Variants in CHCHD3 observed in about 807,000 individuals in gnomAD.
The protein encoded by CHCHD3 is coiled-coil-helix-coiled-coil-helix domain containing 3.
A neutral mutation model predicts 38.2 loss-of-function variants in CHCHD3; 20 were observed. That is an observed-to-expected ratio of 0.52 (90% CI 0.37 to 0.76). The LOEUF (loss-of-function observed/expected upper bound fraction) is 0.76. CHCHD3 is among the 30% of genes least tolerant of loss of function. The pLI, the probability that CHCHD3 is intolerant of heterozygous loss-of-function variation, is 0.00. For synonymous variants in CHCHD3, 82 were observed against 100.0 expected, an observed-to-expected ratio of 0.82 and a Z score of 1.07; for missense variants, 245 against 279.2, an observed-to-expected ratio of 0.88 and a Z score of 0.87.
chr7:133,009,832 TGA>T (rs1327942926), intron 3 of CHCHD3, among the ~76,000 whole-genome samples: 1 of 152,180 alleles, frequency 6.6e-6, no homozygotes, highest in Non-Finnish European at 1.5e-5. Flanking sequence ...TTTCAAATTT[TGA>T]TTATGTTGTT....
intron 3 of CHCHD3, among the ~76,000 whole-genome samples, chr7:132,995,443 T>C (rs1370862711): frequency 6.6e-6 from 1 of 152,238 alleles, no homozygotes; most frequent in East Asian, 1.9e-4. Flanking sequence ...TATTGTTAGC[T>C]GTAGGCACTA....
intron 2 of CHCHD3, among the ~76,000 whole-genome samples, chr7:133,050,741 G>A (rs1184320430): frequency 6.6e-6 from 1 of 152,184 alleles, no homozygotes; most frequent in Non-Finnish European, 1.5e-5. Context: ...GCCAGGCGCA[G>A]TGGCTCATGA....
intron 5 of CHCHD3, among the ~76,000 whole-genome samples, chr7:132,873,437 C>T (rs1244962421): frequency 7.2e-5 from 10 of 139,226 alleles, no homozygotes; most frequent in Non-Finnish European, 1.1e-4. Context: ...TTTTTTGAGA[C>T]GGGTCTCGCT....
rs1806296687 is a variant in CHCHD3, at chr7:132,785,652, A to T, written c.669T>A (p.Leu223=). The change falls in exon 8 of 8, where the codon CTT becomes CTA. Residue 223 remains leucine, a synonymous_variant. Transcript: ENST00000262570. Reference sequence around the variant, plus strand: ...CTGAAAGTTTTTATCCTCCCTTCTCAAGCATGCTCTGCAAGAAAAACAGAA... The same window carrying T: ...CTGAAAGTTTTTATCCTCCCTTCTCTAGCATGCTCTGCAAGAAAAACAGAA... ...HCVNHAKQSM[L]EKGG 1.2e-6 allele frequency: 2 copies of T among 1,614,090 alleles called. No homozygotes were observed. Among genetic ancestry groups the T allele is most frequent in the African/African-American group, 2.7e-5 (2 of 75,038 alleles).
At chr7:133,011,971 C>G (rs2117413341) in intron 3 of CHCHD3, among the ~76,000 whole-genome samples, 1 of 152,256 alleles carries the variant, frequency 6.6e-6, no homozygotes, top group East Asian at 1.9e-4. Context: ...GCCACCCAGG[C>G]TGGAGTGCAA....
At chr7:132,795,554 T>C (rs987328156) in intron 7 of CHCHD3, among the ~76,000 whole-genome samples, 1 of 152,212 alleles carries the variant, frequency 6.6e-6, no homozygotes, top group Admixed American at 6.5e-5. Context: ...CGTCGGATAT[T>C]TGTAGAGTAT....
Position 133,035,380 on chromosome 7 carries a change from G to A in CHCHD3, c.170-10753C>T, listed in dbSNP as rs1357812804. On this transcript the variant is annotated intron_variant, in intron 2 of 7. Coordinates refer to ENST00000262570, the MANE Select transcript of CHCHD3 (RefSeq NM_017812.4). This position sits in a 1 kb window ranked among gnomAD's most constrained non-coding sequence, Gnocchi z 4.7. ...CGGTTGGTATTGCGAAAGGCCCGGC[G>A]GAAAGAAGGCTCTAGAACCTGCTTA... 1.4e-5 allele frequency: 22 copies of A among 1,613,168 alleles called. No homozygotes were observed. Among genetic ancestry groups the A allele is most frequent in the Non-Finnish European group, 1.7e-5 (20 of 1,179,312 alleles).
intron 2 of CHCHD3, among the ~76,000 whole-genome samples, chr7:133,034,404 A>G (rs1301304992): frequency 6.6e-6 from 1 of 152,058 alleles, no homozygotes; most frequent in Non-Finnish European, 1.5e-5. Flanking sequence ...TCTAGAATAA[A>G]TGGTAAGAAA....
At chr7:132,997,676 A>C (rs1056631048) in intron 3 of CHCHD3, among the ~76,000 whole-genome samples, 3,289 of 149,900 alleles carry the variant, frequency 0.022, 121 homozygotes, top group Non-Finnish European at 0.031. Flanking sequence ...AAAAAAAAAA[A>C]AAAAAAAAAA....
chr7:132,898,996 C>T (rs777720331), intron 4 of CHCHD3, among the ~76,000 whole-genome samples: 5 of 152,208 alleles, frequency 3.3e-5, no homozygotes, highest in African/African-American at 9.6e-5. Context: ...CCCCTCCACA[C>T]CTCCCTACAA....
intron 3 of CHCHD3, among the ~76,000 whole-genome samples, chr7:132,992,228 T>C (rs901017396): frequency 1.3e-5 from 2 of 152,198 alleles, no homozygotes; most frequent in Admixed American, 6.5e-5. Context: ...CAGTTGAGTC[T>C]GCACTTTGTT....
chr7:132,963,456 T>C (rs7783736), intron 4 of CHCHD3, among the ~76,000 whole-genome samples: 33,207 of 146,856 alleles, frequency 0.23, 4,022 homozygotes, highest in South Asian at 0.32. Context: ...ACGGTGAAAC[T>C]CCGTCTCTAC....
rs748876744 is a variant in CHCHD3 at position 132,796,446 on chromosome 7, T to C, written c.656A>G (p.Lys219Arg). Residue 219 changes from lysine (K) to arginine (R), a missense_variant, in exon 7 of 8, where the codon AAA becomes AGA. Transcript: ENST00000262570. ...TQYMHCVNHA[K>R]QSMLEKGG Reference sequence around the variant, plus strand: ...TGGCCTGGCTGGCACACCTACCTGTTTGGCATGATTGACACAGTGCATATA... The same window carrying C: ...TGGCCTGGCTGGCACACCTACCTGTCTGGCATGATTGACACAGTGCATATA... 1.9e-6 allele frequency: 3 copies of C among 1,613,720 alleles called. No individual in the cohort carries two copies. Among genetic ancestry groups the C allele is most frequent in the East Asian group, 4.5e-5 (2 of 44,860 alleles).
At chr7:132,870,142 C>T (rs1172011101) in intron 5 of CHCHD3, among the ~76,000 whole-genome samples, 1 of 151,746 alleles carries the variant, frequency 6.6e-6, no homozygotes, top group Non-Finnish European at 1.5e-5. Context: ...CTTGAGCTCA[C>T]AAGTTTGAGA....
At chr7:132,957,778 C>A (rs903790801) in intron 4 of CHCHD3, among the ~76,000 whole-genome samples, 7 of 152,196 alleles carry the variant, frequency 4.6e-5, no homozygotes, top group African/African-American at 1.7e-4. Context: ...CTGTGCCCAG[C>A]CCTCAATTTT....
intron 4 of CHCHD3, among the ~76,000 whole-genome samples, chr7:132,921,998 G>T (rs1810274458): frequency 6.6e-6 from 1 of 152,206 alleles, no homozygotes; most frequent in Non-Finnish European, 1.5e-5. Context: ...TCCATAAGAA[G>T]TGCAGAGAAG....
At chr7:132,957,166 T>A (rs934661988) in intron 4 of CHCHD3, among the ~76,000 whole-genome samples, 1 of 152,228 alleles carries the variant, frequency 6.6e-6, no homozygotes, top group Non-Finnish European at 1.5e-5. Context: ...TGGTTCTGAC[T>A]CTTTCGGTTT....
At chr7:132,835,989 A>C (rs1233751208) in intron 6 of CHCHD3, among the ~76,000 whole-genome samples, 1 of 152,212 alleles carries the variant, frequency 6.6e-6, no homozygotes, top group Non-Finnish European at 1.5e-5. Flanking sequence ...CCCTGGCGTC[A>C]CCTTGACCTT....
intron 6 of CHCHD3, among the ~76,000 whole-genome samples, chr7:132,797,240 G>A (rs1443551420): frequency 2.0e-5 from 3 of 151,786 alleles, no homozygotes; most frequent in African/African-American, 7.3e-5. Flanking sequence ...TCAGGGTTTC[G>A]TTCTTACACT....
Sources: gnomAD v4.1 joint callset for allele counts (sites outside exome capture counted in the v4.1 genomes callset) on GRCh38, gnomAD v4.1.1 for gene constraint, Gnocchi (gnomAD v3.1) non-coding constraint, MANE v1.5 for transcripts, NCBI Gene and HGNC (gene_info 2026-07-23, HGNC 2026-07-21) for gene names.